HERC2: variants seen among roughly 807,000 people sequenced by gnomAD.
HERC2 encodes HECT and RLD domain containing E3 ubiquitin protein ligase 2.
A neutral mutation model predicts 537.7 loss-of-function variants in HERC2; 102 were observed. The observed-to-expected ratio is 0.19, with a 90% CI of 0.16 to 0.22. The LOEUF (loss-of-function observed/expected upper bound fraction) is 0.22, where lower values mean the gene tolerates loss of function less well. HERC2 is among the 10% of genes least tolerant of loss of function. The pLI, the probability that HERC2 is intolerant of heterozygous loss-of-function variation, is 1.00. For synonymous variants in HERC2, 2,224 were observed against 2,466.2 expected, an observed-to-expected ratio of 0.90 and a Z score of 2.91; for missense variants, 4,236 against 6,198.2, an observed-to-expected ratio of 0.68 and a Z score of 10.63.
At chr15:28,167,501 G>A (rs1331751663) in intron 68 of HERC2, among the ~76,000 whole-genome samples, 186 bp downstream of exon 68, 3 of 152,190 alleles carry the variant, frequency 2.0e-5, no homozygotes, top group Admixed American at 6.5e-5. Flanking sequence ...ACACGTGGAA[G>A]CAGTAAGCAG....
intron 23 of HERC2, among the ~76,000 whole-genome samples, chr15:28,245,148 C>G (rs1380234894): frequency 6.6e-6 from 1 of 152,090 alleles, no homozygotes; most frequent in Non-Finnish European, 1.5e-5. Context: ...CTGAGCTGGA[C>G]CACAGATAAC....
intron 4 of HERC2, among the ~76,000 whole-genome samples, chr15:28,289,586 C>T (rs532165262): frequency 6.6e-6 from 1 of 152,252 alleles, no homozygotes; most frequent in South Asian, 2.1e-4. Flanking sequence ...GCTGATCTCC[C>T]CAGAACGCTG....
rs571644746 is a variant in HERC2 at position 28,125,680 on chromosome 15, CT to C, written c.12803-488del. Among the ~76,000 whole-genome samples, 16 of 150,222 alleles carry C rather than the reference CT, an allele frequency of 1.1e-4. No homozygotes were observed. The East Asian group carries it at 2.3e-3, about 22-fold the overall frequency. Reference sequence around the variant, plus strand: ...AAAAGTCTGTTTTATTTATTTTATACTTTTTTTTTTGAGACAGGGTCTCACA... The same window carrying C: ...AAAAGTCTGTTTTATTTATTTTATACTTTTTTTTTGAGACAGGGTCTCACA... On this transcript the variant is annotated intron_variant, in intron 83 of 92. Coordinates refer to ENST00000261609, the MANE Select transcript of HERC2 (RefSeq NM_004667.6).
At position 28,215,780 on chromosome 15, in the gene HERC2, G is replaced by A; in HGVS notation, c.6051C>T (p.Tyr2017=). The A allele has an allele frequency of 6.2e-7, 1 of 1,611,126 alleles. No homozygotes were observed. The change falls in exon 39 of 93, where the codon TAC becomes TAT. Residue 2017 remains tyrosine (Y), a synonymous_variant. Transcript: ENST00000261609. The part of the protein sequence containing the change: ...DKTSSPNRLV[Y]REQHRSWCTL... The stretch of plus-strand genomic sequence containing the variant: ...TGCACCAGCTCCGGTGTTGCTCCCT[G>A]TACACCAGCCTGTTTGGAGAAGCTG...
intron 86 of HERC2, chr15:28,117,640 G>T (rs1023461738): frequency 4.6e-6 from 2 of 430,314 alleles, no homozygotes; most frequent in Non-Finnish European, 9.3e-6. Context: ...TGAGACTGAA[G>T]CAGACACAGT....
rs571202601 is a variant in HERC2, at chr15:28,274,401, G to A, written c.690C>T (p.Asp230=). The part of the protein sequence containing the change: ...LCSELLQESL[D]ALRALPEASL... ...AGGCCTCGGGAAGTGCTCGCAGGGC[G>A]TCCAGGGACTCCTGCAACAGCTCAC... Residue 230 remains aspartate, a synonymous_variant, in exon 7 of 93, where the codon GAC becomes GAT. Coordinates refer to ENST00000261609, the MANE Select transcript of HERC2 (RefSeq NM_004667.6). The A allele has an allele frequency of 3.2e-5, 51 of 1,613,834 alleles. No individual in the cohort carries two copies. Among genetic ancestry groups the A allele is most frequent in the South Asian group, 2.6e-4 (24 of 91,020 alleles).
intron 4 of HERC2, 70 bp downstream of exon 4, chr15:28,292,818 A>C: frequency 6.9e-7 from 1 of 1,444,874 alleles, no homozygotes; most frequent in Non-Finnish European, 9.5e-7. Context: ...AATACTAAGA[A>C]TCCATCCAAG....
chr15:28,295,650 G>C (rs992297962), intron 3 of HERC2, among the ~76,000 whole-genome samples: 4 of 151,974 alleles, frequency 2.6e-5, no homozygotes, highest in African/African-American at 7.3e-5. Flanking sequence ...CGCCTGCCTC[G>C]GCCTCCAAAA....
intron 23 of HERC2, among the ~76,000 whole-genome samples, chr15:28,245,646 TAC>T (rs1430329849): frequency 6.7e-6 from 1 of 150,194 alleles, no homozygotes; most frequent in Non-Finnish European, 1.5e-5. Context: ...CACATATATA[TAC>T]ACACTCATAT....
At chr15:28,140,934 A>G (rs1043151046) in intron 78 of HERC2, among the ~76,000 whole-genome samples, 1 of 152,054 alleles carries the variant, frequency 6.6e-6, no homozygotes, top group African/African-American at 2.4e-5. Context: ...ACGTATTTTC[A>G]AAATAAAAAT....
chr15:28,314,769 G>T (rs1000337678), intron 2 of HERC2, among the ~76,000 whole-genome samples: 1 of 149,984 alleles, frequency 6.7e-6, no homozygotes, highest in Non-Finnish European at 1.5e-5. Flanking sequence ...TCTGAGGCAG[G>T]AGAATTGCTT....
At chr15:28,253,781 T>G (rs1358296497) in intron 20 of HERC2, among the ~76,000 whole-genome samples, 3 of 144,418 alleles carry the variant, frequency 2.1e-5, no homozygotes, top group African/African-American at 7.7e-5. Context: ...GACCAATATT[T>G]TGAAACCCCG....
chr15:28,317,492 A>G (rs1378751311), intron 2 of HERC2, among the ~76,000 whole-genome samples: 1 of 152,246 alleles, frequency 6.6e-6, no homozygotes, highest in Non-Finnish European at 1.5e-5. Flanking sequence ...AAATGGTCCC[A>G]GTTTAGCTAC....
intron 2 of HERC2, among the ~76,000 whole-genome samples, chr15:28,312,001 G>C (rs1567153284): frequency 6.6e-6 from 1 of 152,202 alleles, no homozygotes; most frequent in Non-Finnish European, 1.5e-5. Flanking sequence ...GGAAGGAAGA[G>C]GATAGGCCAG....
intron 48 of HERC2, among the ~76,000 whole-genome samples, chr15:28,199,751 C>T (rs1045546344): frequency 1.3e-5 from 2 of 152,100 alleles, no homozygotes; most frequent in Admixed American, 6.5e-5. Flanking sequence ...GGAGTACATG[C>T]CTATGAAGCT....
intron 4 of HERC2, among the ~76,000 whole-genome samples, chr15:28,283,883 T>C (rs2076086810): frequency 1.3e-5 from 2 of 152,236 alleles, no homozygotes; most frequent in Non-Finnish European, 2.9e-5. Flanking sequence ...GAGTGTCCCT[T>C]ATAAAATGCT....
At chr15:28,144,984 A>T in intron 71 of HERC2, among the ~76,000 whole-genome samples, 180 bp from the exon 72 acceptor site, 1 of 152,230 alleles carries the variant, frequency 6.6e-6, no homozygotes, top group Non-Finnish European at 1.5e-5. Context: ...ATTTTAATAC[A>T]TACCATTCTT....
intron 52 of HERC2, among the ~76,000 whole-genome samples, chr15:28,195,583 T>C (rs898105629): frequency 6.6e-6 from 1 of 152,152 alleles, no homozygotes; most frequent in Non-Finnish European, 1.5e-5. Flanking sequence ...CACAAAAGGA[T>C]AAATCTTATA....
intron 3 of HERC2, among the ~76,000 whole-genome samples, chr15:28,295,310 G>GC (rs2076434590): frequency 2.2e-4 from 1 of 4,578 alleles, no homozygotes; most frequent in East Asian, 1.4e-3. Flanking sequence ...CATGTGTGTG[G>GC]GGGGGGGGGA....
Sources: allele counts gnomAD v4.1 joint callset (sites outside exome capture counted in the v4.1 genomes callset), GRCh38; gene constraint gnomAD v4.1.1; transcripts MANE v1.5; gene names NCBI Gene and HGNC (gene_info 2026-07-23, HGNC 2026-07-21).